PKHD1L1: variants seen among roughly 807,000 people sequenced by gnomAD.
PKHD1L1 encodes PKHD1 like 1.
PKHD1L1 carries 434 observed loss-of-function variants against 462.9 expected under a neutral mutation model. The observed-to-expected ratio is 0.94, with a 90% confidence interval of 0.87 to 1.02. The LOEUF (loss-of-function observed/expected upper bound fraction) is 1.02, where lower values mean the gene tolerates loss of function less well. Among genes scored for constraint, PKHD1L1 ranks in the 50% least tolerant of loss-of-function variants. The pLI is 0.00. For missense variants in PKHD1L1, 5,202 were observed against 5,096.1 expected (o/e 1.02, Z -0.63); for synonymous variants, 1,781 against 1,750.0 (o/e 1.02, Z -0.44).
intron 27 of PKHD1L1, 45 bp downstream of exon 27, chr8:109,430,082 A>C (rs758640791): frequency 2.4e-6 from 3 of 1,247,674 alleles, no homozygotes; most frequent in Non-Finnish European, 2.3e-6. Context: ...AAAGATAATC[A>C]GCAAAATGTA....
Position 109,445,035 on chromosome 8 carries a change from G to T in PKHD1L1, c.5166G>T (p.Val1722=). 1 of 1,613,930 alleles carries T rather than the reference G, an allele frequency of 6.2e-7. No homozygotes were observed. Among genetic ancestry groups the T allele is most frequent in the Non-Finnish European group, 8.5e-7 (1 of 1,179,876 alleles). The change falls in exon 38 of 78, where the codon GTG becomes GTT. Residue 1722 remains valine (V), a synonymous_variant. Coordinates refer to ENST00000378402, the MANE Select transcript of PKHD1L1 (RefSeq NM_177531.6). ...CETSPAAQQL[V]DVDLLIHGVP... is the part of the protein sequence containing the mutation. ...CATCCCCTGCTGCCCAACAGCTTGT[G>T]GATGTAGATCTTCTAATACATGGAG...
chr8:109,455,473 G>C (rs73309315), intron 45 of PKHD1L1, among the ~76,000 whole-genome samples: 1 of 152,134 alleles, frequency 6.6e-6, no homozygotes, highest in African/African-American at 2.4e-5. Flanking sequence ...GGCTCTTCTC[G>C]TTTCATTTTA....
Position 109,491,031 on chromosome 8 carries a change from A to G in PKHD1L1, c.10044A>G (p.Pro3348=). Residue 3348 remains proline, a synonymous_variant, in exon 61 of 78, where the codon CCA becomes CCG. Coordinates refer to ENST00000378402, the MANE Select transcript of PKHD1L1 (RefSeq NM_177531.6). ...GTGCTTTTCACCATGGCTTCTCTCC[A>G]GCAATTGGTGTATTTGGGACAGATG... ...RGCAFHHGFS[P]AIGVFGTDGL... The G allele has an allele frequency of 1.9e-6, 3 of 1,610,286 alleles. No homozygotes were observed. Among genetic ancestry groups the G allele is most frequent in the Non-Finnish European group, 2.5e-6 (3 of 1,177,218 alleles).
Position 109,384,101 on chromosome 8 carries a change from G to T in PKHD1L1, c.449G>T (p.Ser150Ile). ...AKSFRTPTIR[S>I]ITPLSGTPGT... ...AGTTTTAGAACCCCAACAATAAGAAGCATCACACCTTTATCTGGAACTCCA... is the reference window on the plus strand; with the variant it reads ...AGTTTTAGAACCCCAACAATAAGAATCATCACACCTTTATCTGGAACTCCA... Residue 150 changes from serine to isoleucine, a missense_variant, in exon 5 of 78, where the codon AGC becomes ATC. This residue lies in a region of PKHD1L1 where 4,497 missense variants were observed against 4,336.8 expected (regional missense o/e 1.04). Coordinates refer to ENST00000378402, the MANE Select transcript of PKHD1L1 (RefSeq NM_177531.6). The T allele has an allele frequency of 6.2e-7, 1 of 1,611,292 alleles. No individual in the cohort carries two copies. The highest frequency in any genetic ancestry group is 8.5e-7 in the Non-Finnish European group (1 of 1,177,906).
chr8:109,465,133 T>G lies in PKHD1L1; in HGVS notation c.8301T>G (p.Cys2767Trp), dbSNP rs1817367260. The change falls in exon 49 of 78, where the codon TGT (cysteine) becomes TGG (tryptophan). Residue 2767 changes from cysteine (C) to tryptophan (W), a missense_variant. Transcript: ENST00000378402. Reference protein sequence around the residue: ...TSISGVCNDRCGGWSAKFVDV... With the variant: ...TSISGVCNDRWGGWSAKFVDV... ...TCTCTGGAGTTTGTAATGACAGATG[T>G]GGGGGTTGGAGTGCAAAGTTTGTTG... 1 of 1,613,716 alleles carries G rather than the reference T, an allele frequency of 6.2e-7. No individual in the cohort carries two copies. Among genetic ancestry groups the G allele is most frequent in the Non-Finnish European group, 8.5e-7 (1 of 1,179,746 alleles).
At chr8:109,382,340 G>T (rs897164187) in intron 3 of PKHD1L1, 123 bp from the exon 4 acceptor site, 11 of 672,454 alleles carry the variant, frequency 1.6e-5, no homozygotes, top group Non-Finnish European at 2.3e-5. Flanking sequence ...CTAGACATCA[G>T]TTACGACGTT....
Position 109,464,927 on chromosome 8 carries a change from A to G in PKHD1L1, c.8095A>G (p.Thr2699Ala). 6.2e-7 allele frequency: 1 copy of G among 1,613,760 alleles called. No individual in the cohort carries two copies. The highest frequency in any genetic ancestry group is 1.1e-5 in the South Asian group (1 of 91,068). ...LAPYVGGWGETNGAVIKNAKI... is the reference protein window; with the variant it reads ...LAPYVGGWGEANGAVIKNAKI... ...TCCTTATGTTGGAGGGTGGGGTGAAACCAATGGAGCGGTGATTAAAAATGC... is the reference window on the plus strand; with the variant it reads ...TCCTTATGTTGGAGGGTGGGGTGAAGCCAATGGAGCGGTGATTAAAAATGC... The change falls in exon 49 of 78, where the codon ACC becomes GCC. Residue 2699 changes from threonine to alanine, a missense_variant. Physicochemically the swap from Thr to Ala is moderately conservative, Grantham distance 58. Around this residue, in one of 3 missense-constraint regions of PKHD1L1, gnomAD observed 4,497 missense variants for 4,336.8 expected, o/e 1.04. Coordinates refer to ENST00000378402, the MANE Select transcript of PKHD1L1 (RefSeq NM_177531.6).
rs755778585 is a variant in PKHD1L1, at chr8:109,436,337, G to C, written c.3506-1G>C. 2.5e-6 allele frequency: 4 copies of C among 1,608,168 alleles called. 1 individual carries two copies. In the South Asian group the frequency reaches 4.5e-5, roughly 18 times the overall value. ...TGTTTTTGTTTGCTTTTCTTATGAA[G>C]GTGGTACTCTACTGACTTTATCTGG... On this transcript the variant is annotated splice_acceptor_variant, in intron 29 of 77. Coordinates refer to ENST00000378402, the MANE Select transcript of PKHD1L1 (RefSeq NM_177531.6). LOFTEE classifies it high-confidence loss of function.
intron 16 of PKHD1L1, 38 bp downstream of exon 16, chr8:109,405,168 C>G: frequency 7.9e-7 from 1 of 1,267,086 alleles, no homozygotes; most frequent in Admixed American, 2.4e-5. Context: ...TGTTTCTGTT[C>G]ATGTATAGAT....
rs146872604 is a variant in PKHD1L1, at chr8:109,402,135, C to A, written c.1373+547C>A. On this transcript the variant is annotated intron_variant, in intron 14 of 77. Coordinates refer to ENST00000378402, the MANE Select transcript of PKHD1L1 (RefSeq NM_177531.6). The stretch of plus-strand genomic sequence containing the variant: ...GATTATCATCCAAATACCAGATAAT[C>A]CCATTCAAAAAGCCATTCAGAATTC... 3.7e-4 allele frequency among the ~76,000 whole-genome samples: 56 copies of A among 152,180 alleles called. 1 individual carries two copies. In the East Asian group the frequency reaches 0.011, roughly 29 times the overall value.
intron 50 of PKHD1L1, among the ~76,000 whole-genome samples, chr8:109,469,121 A>C (rs900139405): frequency 6.6e-6 from 1 of 152,002 alleles, no homozygotes; most frequent in African/African-American, 2.4e-5. Flanking sequence ...TTTATATCTA[A>C]TGGTTAAGCA....
At chr8:109,520,698 T>A (rs1421101008) in intron 73 of PKHD1L1, among the ~76,000 whole-genome samples, 2 of 152,112 alleles carry the variant, frequency 1.3e-5, no homozygotes, top group Non-Finnish European at 2.9e-5. Flanking sequence ...CTTATAGCTT[T>A]TATATAGTAT....
At chr8:109,415,918 GTCT>G (rs1814145722) in intron 21 of PKHD1L1, among the ~76,000 whole-genome samples, 1 of 144,004 alleles carries the variant, frequency 6.9e-6, no homozygotes, top group Non-Finnish European at 1.5e-5. Context: ...GGAAATCATA[GTCT>G]TCCGTTTTTA....
At chr8:109,398,870 G>C (rs558222716) in intron 12 of PKHD1L1, among the ~76,000 whole-genome samples, 2 of 152,078 alleles carry the variant, frequency 1.3e-5, no homozygotes, top group Admixed American at 6.5e-5. Context: ...AGTCTACATA[G>C]AAATTTTTTA....
rs777376229 is a variant in PKHD1L1 at position 109,476,494 on chromosome 8, A to T, written c.8758-14A>T. The T allele has an allele frequency of 7.1e-7, 1 of 1,400,950 alleles. No homozygotes were observed. Among genetic ancestry groups the T allele is most frequent in the Middle Eastern group, 2.0e-4 (1 of 4,934 alleles). The allele number at this position is 1,400,950 out of a possible 1,614,324, so 86.8% of individuals were successfully genotyped here. On this transcript the variant is annotated splice_polypyrimidine_tract_variant and intron_variant, in intron 51 of 77. Transcript: ENST00000378402. ...ATTAACATACAAGTCACATTTTTCT[A>T]TAAACTTTTATAGGAAGAAGACTAT...
At chr8:109,495,875 A>T (rs1297842488) in intron 63 of PKHD1L1, among the ~76,000 whole-genome samples, 1 of 152,116 alleles carries the variant, frequency 6.6e-6, no homozygotes, top group Non-Finnish European at 1.5e-5. Flanking sequence ...GGAGGGAGTT[A>T]TTAAGGTTAT....
At chr8:109,393,721 G>C (rs1246812265) in intron 9 of PKHD1L1, among the ~76,000 whole-genome samples, 1 of 152,154 alleles carries the variant, frequency 6.6e-6, no homozygotes, top group Non-Finnish European at 1.5e-5. Flanking sequence ...TTGATGTAAA[G>C]ATCAAACGGC....
Position 109,486,640 on chromosome 8 carries a change from T to C in PKHD1L1, c.9707-8T>C. The C allele has an allele frequency of 6.2e-7, 1 of 1,610,072 alleles. No homozygotes were observed. Among genetic ancestry groups the C allele is most frequent in the Non-Finnish European group, 8.5e-7 (1 of 1,177,638 alleles). On this transcript the variant is annotated splice_polypyrimidine_tract_variant and splice_region_variant and intron_variant, in intron 58 of 77. Coordinates refer to ENST00000378402, the MANE Select transcript of PKHD1L1 (RefSeq NM_177531.6). ...ATTGGCAATAATCTAGCTGCCTTTA[T>C]ACTGCAGCTGAAAAATACCATGTCC... is the stretch of plus-strand genomic sequence containing the variant.
chr8:109,473,068 T>A (rs1333412243), intron 50 of PKHD1L1, among the ~76,000 whole-genome samples: 1 of 152,158 alleles, frequency 6.6e-6, no homozygotes, highest in Non-Finnish European at 1.5e-5. Flanking sequence ...AGTTTATATT[T>A]CAGTCCAAGA....
Sources: allele counts gnomAD v4.1 joint callset (sites outside exome capture counted in the v4.1 genomes callset), GRCh38; gene constraint gnomAD v4.1.1; regional missense constraint gnomAD v4.1.1; transcripts MANE v1.5; gene names NCBI Gene and HGNC (gene_info 2026-07-23, HGNC 2026-07-21).